Variants in BMPR1A observed in about 807,000 individuals in gnomAD.
The protein encoded by BMPR1A is bone morphogenetic protein receptor type-1A.
In BMPR1A, 7 loss-of-function variants were observed where a neutral mutation model predicts 66.0. The observed-to-expected ratio is 0.11, with a 90% CI of 0.06 to 0.20. BMPR1A has a LOEUF of 0.20. Ranked by LOEUF, BMPR1A falls within the 10% of genes least tolerant of loss-of-function variation. The pLI is 1.00. For missense variants in BMPR1A, 408 were observed against 669.1 expected, an observed-to-expected ratio of 0.61 and a Z score of 4.31; for synonymous variants, 200 against 229.7, an observed-to-expected ratio of 0.87 and a Z score of 1.17.
At chr10:86,790,231 A>T (rs10887655) in intron 1 of BMPR1A, among the ~76,000 whole-genome samples, 2 of 60,312 alleles carry the variant, frequency 3.3e-5, no homozygotes, top group Admixed American at 2.3e-4. Flanking sequence ...ATATATATAT[A>T]TATATCAAAA....
chr10:86,870,451 C>G (rs1421364097), intron 2 of BMPR1A, among the ~76,000 whole-genome samples: 2 of 152,150 alleles, frequency 1.3e-5, no homozygotes, highest in East Asian at 3.9e-4. Context: ...GAGACAAGGT[C>G]TCGCTCTGTT....
At chr10:86,919,568 A>G in intron 10 of BMPR1A, 99 bp downstream of exon 10, 20 of 1,495,014 alleles carry the variant, frequency 1.3e-5, no homozygotes, top group Non-Finnish European at 1.7e-5. Context: ...AAATGTGCAT[A>G]TGCTTGTTTT....
At chr10:86,815,216 TCA>T (rs1842019874) in intron 1 of BMPR1A, among the ~76,000 whole-genome samples, 1 of 152,224 alleles carries the variant, frequency 6.6e-6, no homozygotes, top group Non-Finnish European at 1.5e-5. Flanking sequence ...ATTTCTAATT[TCA>T]CAGAGTTATT....
intron 2 of BMPR1A, among the ~76,000 whole-genome samples, chr10:86,868,588 G>C (rs1254787428): frequency 6.6e-6 from 1 of 152,212 alleles, no homozygotes; most frequent in African/African-American, 2.4e-5. Flanking sequence ...GCTGCCTGGC[G>C]GGGAGGGACC....
chr10:86,912,304 T>A lies in BMPR1A; in HGVS notation c.595T>A (p.Phe199Ile), dbSNP rs1297422277. 1 of 1,614,032 alleles carries A rather than the reference T, an allele frequency of 6.2e-7. No individual in the cohort carries two copies. The highest frequency in any genetic ancestry group is 1.1e-5 in the South Asian group (1 of 91,076). ...TCGTGATTTGGAACAGGATGAAGCA[T>A]TTATTCCAGTTGGAGAATCACTAAA... ...YNRDLEQDEA[F>I]IPVGESLKDL... is the part of the protein sequence containing the mutation. Residue 199 changes from phenylalanine to isoleucine, a missense_variant, in exon 8 of 13, where the codon TTT becomes ATT. Physicochemically the swap from Phe to Ile is conservative, Grantham distance 21. Transcript: ENST00000372037.
chr10:86,834,865 GCT>G (rs1053676036), intron 1 of BMPR1A, among the ~76,000 whole-genome samples: 2 of 151,756 alleles, frequency 1.3e-5, no homozygotes, highest in African/African-American at 4.8e-5. Context: ...TTGTAATTTG[GCT>G]CTTTTTTTTT....
chr10:86,836,216 A>C (rs964622042), intron 1 of BMPR1A, among the ~76,000 whole-genome samples: 46 of 152,186 alleles, frequency 3.0e-4, no homozygotes, highest in African/African-American at 1.1e-3. Flanking sequence ...TGTTTGGAAC[A>C]TTTTGCTCAT....
chr10:86,787,855 A>G (rs1841539436), intron 1 of BMPR1A, among the ~76,000 whole-genome samples: 1 of 151,350 alleles, frequency 6.6e-6, no homozygotes, highest in African/African-American at 2.4e-5. Context: ...AGAACTCACT[A>G]TCATGAGTAC....
chr10:86,762,483 C>T (rs1035650700), intron 1 of BMPR1A, among the ~76,000 whole-genome samples: 5 of 152,040 alleles, frequency 3.3e-5, no homozygotes, highest in Admixed American at 6.6e-5. Flanking sequence ...CTCAGCTTCC[C>T]GAGTAGCTGG....
In BMPR1A at chr10:86,919,167, G is replaced by A. The variant is rs775468885; in HGVS notation, c.869-5G>A. The A allele has an allele frequency of 6.2e-7, 1 of 1,613,874 alleles. No individual in the cohort carries two copies. The highest frequency in any genetic ancestry group is 8.5e-7 in the Non-Finnish European group (1 of 1,179,838). Reference sequence around the variant, plus strand: ...ACTAACCTTTTAAACTCATCAACTGGACAGGTTTCATAGCGGCAGACATTA... The same window carrying A: ...ACTAACCTTTTAAACTCATCAACTGAACAGGTTTCATAGCGGCAGACATTA... On this transcript the variant is annotated splice_region_variant and splice_polypyrimidine_tract_variant and intron_variant, in intron 9 of 12. Coordinates refer to ENST00000372037, the MANE Select transcript of BMPR1A (RefSeq NM_004329.3).
Position 86,772,537 on chromosome 10 carries a change from A to T in BMPR1A, c.-268+15618A>T, listed in dbSNP as rs144790420. Reference sequence around the variant, plus strand: ...TTATGTTATTTGTATCGTTTCATAGAATAAATTAAAACCTACCCTGTGAGA... The same window carrying T: ...TTATGTTATTTGTATCGTTTCATAGTATAAATTAAAACCTACCCTGTGAGA... On this transcript the variant is annotated intron_variant, in intron 1 of 12. Transcript: ENST00000372037. 2.6e-3 allele frequency among the ~76,000 whole-genome samples: 398 copies of T among 152,258 alleles called. 4 individuals are homozygous for T. Among genetic ancestry groups the T allele is most frequent in the Middle Eastern group, 0.014 (4 of 294 alleles).
intron 3 of BMPR1A, among the ~76,000 whole-genome samples, chr10:86,888,361 G>C (rs752737104): frequency 6.6e-6 from 1 of 151,924 alleles, no homozygotes; most frequent in Non-Finnish European, 1.5e-5. Flanking sequence ...CCAGCTACTC[G>C]GGAGTCTGAG....
chr10:86,766,583 A>G lies in BMPR1A; in HGVS notation c.-268+9664A>G, dbSNP rs986940070. 3.3e-5 allele frequency among the ~76,000 whole-genome samples: 5 copies of G among 150,976 alleles called. No homozygotes were observed. The East Asian group carries it at 5.8e-4, about 18-fold the overall frequency. On this transcript the variant is annotated intron_variant, in intron 1 of 12. Coordinates refer to ENST00000372037, the MANE Select transcript of BMPR1A (RefSeq NM_004329.3). ...TCATATTCCAGCCAACAGTATTTGA[A>G]TATGTTCTCTCCTCCCAACATAATC... is the stretch of plus-strand genomic sequence containing the variant.
At chr10:86,877,746 G>GT (rs1361891634) in intron 3 of BMPR1A, among the ~76,000 whole-genome samples, 1 of 152,134 alleles carries the variant, frequency 6.6e-6, no homozygotes, top group Non-Finnish European at 1.5e-5. Flanking sequence ...AGCTGCTATA[G>GT]TTTTGAAGAT....
intron 1 of BMPR1A, among the ~76,000 whole-genome samples, chr10:86,810,655 C>T (rs748937644): frequency 3.9e-5 from 6 of 152,216 alleles, no homozygotes; most frequent in Non-Finnish European, 4.4e-5. Flanking sequence ...TTCCTTGTTA[C>T]TGATATCGTT....
Position 86,925,294 on chromosome 10 carries a change from G to A in BMPR1A, c.*1575G>A, listed in dbSNP as rs1308780929. 1 of 217,300 alleles carries A rather than the reference G, an allele frequency of 4.6e-6. No individual in the cohort carries two copies. Among genetic ancestry groups the A allele is most frequent in the Non-Finnish European group, 9.0e-6 (1 of 110,694 alleles). The allele number at this position is 217,300 out of a possible 1,614,324, so 13.5% of individuals were successfully genotyped here. A position where few individuals can be genotyped will look rare whatever the true frequency, so the allele number is the denominator to read the frequency against. On this transcript the variant is annotated 3_prime_UTR_variant, in exon 13 of 13. Coordinates refer to ENST00000372037, the MANE Select transcript of BMPR1A (RefSeq NM_004329.3). Reference sequence around the variant, plus strand: ...ATTCATGAGTACATCAAGTGAGATAGTTTTATTTGATTATAACATAAAATA... The same window carrying A: ...ATTCATGAGTACATCAAGTGAGATAATTTTATTTGATTATAACATAAAATA...
At chr10:86,816,206 G>A (rs1346532099) in intron 1 of BMPR1A, among the ~76,000 whole-genome samples, 1 of 152,096 alleles carries the variant, frequency 6.6e-6, no homozygotes, top group African/African-American at 2.4e-5. Flanking sequence ...AAGATGTGCT[G>A]TAACTTTAAA....
rs1843715986 is a variant in BMPR1A, at chr10:86,924,713, G to C, written c.*994G>C. On this transcript the variant is annotated 3_prime_UTR_variant, in exon 13 of 13. Transcript: ENST00000372037. ...TTAAAAGGGAAGTTATTTATATTTTGTGTATAATGTGCTTTATTTGCAAAT... is the reference window on the plus strand; with the variant it reads ...TTAAAAGGGAAGTTATTTATATTTTCTGTATAATGTGCTTTATTTGCAAAT... 4.3e-6 allele frequency: 1 copy of C among 232,764 alleles called. No homozygotes were observed. The highest frequency in any genetic ancestry group is 2.2e-5 in the African/African-American group (1 of 45,296). 14.4% of individuals were successfully genotyped at this position (232,764 alleles called of 1,614,324 possible). A position where few individuals can be genotyped will look rare whatever the true frequency, so the allele number is the denominator to read the frequency against.
At chr10:86,858,723 G>A (rs750933554) in intron 2 of BMPR1A, among the ~76,000 whole-genome samples, 6 of 152,050 alleles carry the variant, frequency 3.9e-5, no homozygotes, top group Non-Finnish European at 7.4e-5. Flanking sequence ...TGACCAAGGA[G>A]GTGAAAGATC....
Sources: allele counts gnomAD v4.1 joint callset (sites outside exome capture counted in the v4.1 genomes callset), GRCh38; gene constraint gnomAD v4.1.1; transcripts MANE v1.5; gene names NCBI Gene and HGNC (gene_info 2026-07-23, HGNC 2026-07-21).